ERBB4: variants seen among roughly 807,000 people sequenced by gnomAD.
ERBB4 encodes the protein erb-b2 receptor tyrosine kinase 4.
In ERBB4, 42 loss-of-function variants were observed where a neutral mutation model predicts 158.0. The observed-to-expected ratio is 0.27, with a 90% CI of 0.21 to 0.34. The LOEUF (loss-of-function observed/expected upper bound fraction) is 0.34, where lower values mean the gene tolerates loss of function less well. ERBB4 is among the 10% of genes least tolerant of loss of function. The pLI is 1.00. For missense variants in ERBB4, 1,333 were observed against 1,624.1 expected, an observed-to-expected ratio of 0.82 and a Z score of 3.08; for synonymous variants, 583 against 558.7, an observed-to-expected ratio of 1.04 and a Z score of -0.61.
intron 16 of ERBB4, among the ~76,000 whole-genome samples, chr2:211,653,229 A>T (rs2071069918): frequency 6.6e-6 from 1 of 152,176 alleles, no homozygotes; most frequent in Non-Finnish European, 1.5e-5. Context: ...CTAAAATATC[A>T]AGTATTATTT....
At chr2:211,708,466 C>T (rs1022696989) in intron 9 of ERBB4, among the ~76,000 whole-genome samples, 2 of 152,110 alleles carry the variant, frequency 1.3e-5, no homozygotes, top group Non-Finnish European at 2.9e-5. Context: ...CTATATAAGA[C>T]TATAATCAAG....
chr2:212,464,927 C>G (rs904331851), intron 1 of ERBB4, among the ~76,000 whole-genome samples: 1 of 148,930 alleles, frequency 6.7e-6, no homozygotes, highest in Non-Finnish European at 1.5e-5. Context: ...CACACACACA[C>G]CCCTTAGAAA....
At chr2:212,178,342 A>AAAT in intron 1 of ERBB4, among the ~76,000 whole-genome samples, 1 of 151,620 alleles carries the variant, frequency 6.6e-6, no homozygotes, top group African/African-American at 2.4e-5. Context: ...TTCAGACAAG[A>AAAT]GATGATGTTA....
chr2:211,444,894 T>C (rs1055973376), intron 20 of ERBB4, among the ~76,000 whole-genome samples: 8 of 152,104 alleles, frequency 5.3e-5, no homozygotes, highest in Non-Finnish European at 8.8e-5. Context: ...ATATTCTGTG[T>C]TGATTACAAA....
intron 1 of ERBB4, among the ~76,000 whole-genome samples, chr2:212,482,869 G>A (rs766765989): frequency 1.3e-5 from 2 of 152,246 alleles, no homozygotes; most frequent in South Asian, 2.1e-4. Context: ...TGATCTGCCC[G>A]CCTCAGCCTC....
intron 9 of ERBB4, among the ~76,000 whole-genome samples, chr2:211,707,091 G>C (rs1030665305): frequency 1.3e-5 from 2 of 152,092 alleles, no homozygotes; most frequent in East Asian, 3.9e-4. Flanking sequence ...AAATATCTTG[G>C]CTTTATTGAG....
intron 27 of ERBB4, 127 bp from the exon 28 acceptor site, chr2:211,384,187 C>A: frequency 2.9e-6 from 2 of 692,660 alleles, no homozygotes; most frequent in Middle Eastern, 3.6e-4. Context: ...TTCATGATTT[C>A]TCACAACAAG....
chr2:212,377,565 G>T (rs1279658521), intron 1 of ERBB4, among the ~76,000 whole-genome samples: 1 of 151,332 alleles, frequency 6.6e-6, no homozygotes, highest in African/African-American at 2.4e-5. Context: ...AATGCAGCAA[G>T]GATGATAAAA....
At chr2:211,927,257 A>G (rs1031883604) in intron 3 of ERBB4, among the ~76,000 whole-genome samples, 2 of 152,210 alleles carry the variant, frequency 1.3e-5, no homozygotes, top group African/African-American at 4.8e-5. Context: ...TGGTTAAAAC[A>G]TAGTCTGCAT....
chr2:212,533,499 C>G (rs1416809834), intron 1 of ERBB4, among the ~76,000 whole-genome samples: 1 of 152,094 alleles, frequency 6.6e-6, no homozygotes, highest in Non-Finnish European at 1.5e-5. Context: ...TGACTACGTC[C>G]CATGTCCCAT....
chr2:211,396,977 C>A, intron 25 of ERBB4, among the ~76,000 whole-genome samples: 1 of 152,178 alleles, frequency 6.6e-6, no homozygotes, highest in Admixed American at 6.5e-5. Flanking sequence ...GAATAATGTA[C>A]TGTGAATACT....
intron 4 of ERBB4, among the ~76,000 whole-genome samples, chr2:211,762,303 T>C (rs539400507): frequency 6.6e-6 from 1 of 152,294 alleles, no homozygotes; most frequent in South Asian, 2.1e-4. Flanking sequence ...TTCGCAGGCA[T>C]AGCAGACAAA....
At chr2:211,952,681 GC>G (rs2080905433) in intron 2 of ERBB4, among the ~76,000 whole-genome samples, 1 of 152,004 alleles carries the variant, frequency 6.6e-6, no homozygotes. Flanking sequence ...TCATCAGGTT[GC>G]TTAACCTCAT....
chr2:212,466,816 G>A (rs1361188153), intron 1 of ERBB4, among the ~76,000 whole-genome samples: 2 of 152,182 alleles, frequency 1.3e-5, no homozygotes, highest in African/African-American at 4.8e-5. Flanking sequence ...AGGTTAGAGG[G>A]CTGAAAAGAC....
chr2:212,034,252 C>T (rs1181125746), intron 2 of ERBB4, among the ~76,000 whole-genome samples: 2 of 151,930 alleles, frequency 1.3e-5, no homozygotes, highest in Non-Finnish European at 2.9e-5. Flanking sequence ...ATTTTCCCTA[C>T]CTTTACCTAC....
chr2:211,387,376 C>G (rs564363306), intron 26 of ERBB4, among the ~76,000 whole-genome samples: 1 of 152,164 alleles, frequency 6.6e-6, no homozygotes, highest in East Asian at 1.9e-4. Context: ...AATACACATT[C>G]TAGTTTTATT....
At chr2:211,738,889 T>C (rs2106176233) in intron 5 of ERBB4, among the ~76,000 whole-genome samples, 1 of 152,256 alleles carries the variant, frequency 6.6e-6, no homozygotes, top group Non-Finnish European at 1.5e-5. Context: ...TCCACCTGCC[T>C]TGGCCTCCTA....
chr2:211,655,316 C>T (rs985301186), intron 16 of ERBB4, among the ~76,000 whole-genome samples: 1 of 152,112 alleles, frequency 6.6e-6, no homozygotes, highest in Non-Finnish European at 1.5e-5. Flanking sequence ...GTTCTCTCAC[C>T]CTCAAGGTTT....
intron 13 of ERBB4, among the ~76,000 whole-genome samples, chr2:211,677,289 G>T (rs2072113655): frequency 6.6e-6 from 1 of 152,160 alleles, no homozygotes. Context: ...TTCAGGCCGG[G>T]TGCAGTGGCT....
Sources: allele counts gnomAD v4.1 joint callset (sites outside exome capture counted in the v4.1 genomes callset), GRCh38; gene constraint gnomAD v4.1.1; transcripts MANE v1.5; gene names NCBI Gene and HGNC (gene_info 2026-07-23, HGNC 2026-07-21).